The following PBX3 variants were observed in gnomAD, a reference collection of about 807,000 sequenced individuals.
The protein encoded by PBX3 is pre-B-cell leukemia transcription factor 3.
A neutral mutation model predicts 48.5 loss-of-function variants in PBX3; 14 were observed. The ratio of observed to expected loss-of-function variants is 0.29; its 90% CI spans 0.19 to 0.45. PBX3 has a LOEUF of 0.45. Ranked by LOEUF, PBX3 falls within the 20% of genes least tolerant of loss-of-function variation. The pLI is 1.00. For synonymous variants in PBX3, 210 were observed against 200.3 expected (o/e 1.05, Z -0.41); for missense variants, 386 against 546.7 (o/e 0.71, Z 2.93).
chr9:125,748,126 C>T (rs1001208393), intron 1 of PBX3: 46 of 562,838 alleles, frequency 8.2e-5, no homozygotes, highest in African/African-American at 1.4e-4. Flanking sequence ...CGGCCAAGTT[C>T]TCGGAGAGGG....
At chr9:125,921,510 T>C (rs112513749) in intron 3 of PBX3, among the ~76,000 whole-genome samples, 235 of 152,314 alleles carry the variant, frequency 1.5e-3, no homozygotes, top group African/African-American at 5.1e-3. Flanking sequence ...TTAATTATGC[T>C]GCAGACTCTG....
intron 3 of PBX3, among the ~76,000 whole-genome samples, chr9:125,918,860 G>T (rs369087425): frequency 5.3e-4 from 81 of 152,274 alleles, no homozygotes; most frequent in African/African-American, 1.9e-3. Flanking sequence ...GTTCTTTAGG[G>T]TACAAGGGCT....
chr9:125,834,299 A>T (rs559404056), intron 2 of PBX3, among the ~76,000 whole-genome samples: 2 of 152,340 alleles, frequency 1.3e-5, no homozygotes, highest in East Asian at 3.9e-4. Flanking sequence ...GGAACAGGGA[A>T]GAAAAACTCT....
At chr9:125,917,134 G>C (rs1841351763) in intron 3 of PBX3, among the ~76,000 whole-genome samples, 1 of 152,140 alleles carries the variant, frequency 6.6e-6, no homozygotes, top group Admixed American at 6.5e-5. Context: ...CACTATGTAG[G>C]CAAGTACTTT....
intron 2 of PBX3, among the ~76,000 whole-genome samples, chr9:125,856,261 A>G (rs774742796): frequency 3.3e-5 from 5 of 152,306 alleles, no homozygotes; most frequent in East Asian, 1.9e-4. Flanking sequence ...TTTTGAATCA[A>G]TGTAAAATAC....
intron 5 of PBX3, among the ~76,000 whole-genome samples, chr9:125,953,016 T>C (rs1276196963): frequency 3.3e-5 from 5 of 152,058 alleles, no homozygotes; most frequent in Non-Finnish European, 7.3e-5. Context: ...TCATGGTGTA[T>C]GAAAAGAAAA....
chr9:125,960,545 C>A, intron 5 of PBX3, 139 bp from the exon 6 acceptor site: 1 of 691,110 alleles, frequency 1.4e-6, no homozygotes, highest in Non-Finnish European at 2.5e-6. Context: ...AACCATTATG[C>A]ATGATCCATA....
At chr9:125,863,936 A>C (rs1839921591) in intron 2 of PBX3, among the ~76,000 whole-genome samples, 1 of 152,112 alleles carries the variant, frequency 6.6e-6, no homozygotes, top group Non-Finnish European at 1.5e-5. Context: ...CTGTCTCCTT[A>C]GAGAAGCCCC....
chr9:125,943,569 T>C (rs1842008059), intron 5 of PBX3, among the ~76,000 whole-genome samples: 1 of 152,064 alleles, frequency 6.6e-6, no homozygotes, highest in African/African-American at 2.4e-5. Flanking sequence ...TTTCTCATGC[T>C]AGTCTCAGCA....
chr9:125,811,839 A>G (rs1172238755), intron 2 of PBX3, among the ~76,000 whole-genome samples: 1 of 152,102 alleles, frequency 6.6e-6, no homozygotes, highest in Non-Finnish European at 1.5e-5. Flanking sequence ...CTCTGTCCTC[A>G]TGACCTATTT....
intron 4 of PBX3, 39 bp from the exon 5 acceptor site, chr9:125,935,433 G>T: frequency 6.2e-7 from 1 of 1,604,970 alleles, no homozygotes. Context: ...GGTTAATGCT[G>T]ATTGTAACTG....
At chr9:125,817,490 A>AAC (rs909822992) in intron 2 of PBX3, among the ~76,000 whole-genome samples, 1 of 152,074 alleles carries the variant, frequency 6.6e-6, no homozygotes, top group African/African-American at 2.4e-5. Context: ...TTCTGAAAGA[A>AAC]ACACACACAC....
At chr9:125,752,626 CTT>C (rs558285210) in intron 2 of PBX3, among the ~76,000 whole-genome samples, 7 of 151,988 alleles carry the variant, frequency 4.6e-5, no homozygotes, top group Non-Finnish European at 1.0e-4. Context: ...TCTTTGGAGT[CTT>C]TTTTTGGTGT....
intron 5 of PBX3, among the ~76,000 whole-genome samples, chr9:125,954,946 A>G (rs549786860): frequency 3.9e-5 from 6 of 152,226 alleles, no homozygotes; most frequent in Non-Finnish European, 8.8e-5. Context: ...GTCAACATTT[A>G]TGACATACTG....
chr9:125,931,624 C>T (rs1172424483), intron 4 of PBX3, among the ~76,000 whole-genome samples: 1 of 152,122 alleles, frequency 6.6e-6, no homozygotes. Flanking sequence ...TCCTTTCTTC[C>T]TTCCTTCCAC....
intron 5 of PBX3, among the ~76,000 whole-genome samples, chr9:125,952,686 G>C (rs75685547): frequency 6.6e-6 from 1 of 152,104 alleles, no homozygotes; most frequent in Non-Finnish European, 1.5e-5. Flanking sequence ...TTGGTCACTC[G>C]TATAGCTCTG....
chr9:125,791,301 G>GTCTGTCTATCTATCTA (rs1179896723), intron 2 of PBX3, among the ~76,000 whole-genome samples: 341 of 109,016 alleles, frequency 3.1e-3, no homozygotes, highest in Admixed American at 7.5e-3. Flanking sequence ...CTGTCTGTCT[G>GTCTGTCTATCTATCTA]TCTATCTATC....
intron 2 of PBX3, among the ~76,000 whole-genome samples, chr9:125,833,586 C>A (rs545930984): frequency 6.6e-6 from 1 of 152,184 alleles, no homozygotes; most frequent in East Asian, 1.9e-4. Context: ...ATTAGTAAAA[C>A]TTGAGGATTA....
At chr9:125,782,946 T>A in intron 2 of PBX3, among the ~76,000 whole-genome samples, 1 of 152,214 alleles carries the variant, frequency 6.6e-6, no homozygotes, top group Non-Finnish European at 1.5e-5. Flanking sequence ...AGATTCCTTC[T>A]ATGTAATGAG....
Sources: gnomAD v4.1 joint callset for allele counts (sites outside exome capture counted in the v4.1 genomes callset) on GRCh38, gnomAD v4.1.1 for gene constraint, MANE v1.5 for transcripts, NCBI Gene and HGNC (gene_info 2026-07-23, HGNC 2026-07-21) for gene names.